ADAMTS12: variants seen among roughly 807,000 people sequenced by gnomAD.
ADAMTS12 encodes the protein ADAM metallopeptidase with thrombospondin type 1 motif 12.
In ADAMTS12, 118 loss-of-function variants were observed where a neutral mutation model predicts 167.8. The ratio of observed to expected loss-of-function variants is 0.70; its 90% CI spans 0.61 to 0.82. ADAMTS12 has a LOEUF of 0.82. Among genes scored for constraint, ADAMTS12 ranks in the 40% least tolerant of loss-of-function variants. The probability of loss-of-function intolerance (pLI) is 0.00; values close to 1 mark genes in which losing one functional copy is unlikely to be tolerated. For missense variants in ADAMTS12, 1,916 were observed against 1,998.8 expected (o/e 0.96, Z 0.79); for synonymous variants, 704 against 716.9 (o/e 0.98, Z 0.29).
At chr5:33,699,756 A>G (rs1273769210) in intron 3 of ADAMTS12, among the ~76,000 whole-genome samples, 1 of 152,202 alleles carries the variant, frequency 6.6e-6, no homozygotes, top group Non-Finnish European at 1.5e-5. Flanking sequence ...GAAAAAGCCC[A>G]TTTGAGGAGA....
chr5:33,580,014 C>T (rs79082973), intron 18 of ADAMTS12, among the ~76,000 whole-genome samples: 9,587 of 152,252 alleles, frequency 0.063, 317 homozygotes, highest in African/African-American at 0.074. Flanking sequence ...TCCACACACC[C>T]CCTACTGGTT....
At chr5:33,755,088 C>T (rs1176272737) in intron 2 of ADAMTS12, among the ~76,000 whole-genome samples, 2 of 152,150 alleles carry the variant, frequency 1.3e-5, no homozygotes, top group Non-Finnish European at 2.9e-5. Flanking sequence ...TCAATAACAT[C>T]CCCCAAGGGT....
chr5:33,616,126 G>A lies in ADAMTS12; in HGVS notation c.2144-54C>T, dbSNP rs547789184. ...AGGCACGCCAGCTTCTCAGCTGAAT[G>A]CAATCTGTTTGTGACCCACTGTTAA... is the stretch of plus-strand genomic sequence containing the variant. On this transcript the variant is annotated intron_variant, in intron 14 of 23. Transcript: ENST00000504830. The A allele has an allele frequency of 9.0e-5, 143 of 1,596,840 alleles. 2 individuals are homozygous for A. In the African/African-American group the frequency reaches 1.5e-3, roughly 17 times the overall value.
chr5:33,711,105 C>T (rs150270907), intron 3 of ADAMTS12, among the ~76,000 whole-genome samples: 184 of 152,174 alleles, frequency 1.2e-3, no homozygotes, highest in African/African-American at 4.4e-3. Flanking sequence ...CATGTCCTAC[C>T]CCTGGACCAG....
At chr5:33,865,472 A>G (rs1749783250) in intron 2 of ADAMTS12, among the ~76,000 whole-genome samples, 1 of 152,190 alleles carries the variant, frequency 6.6e-6, no homozygotes, top group Admixed American at 6.5e-5. Flanking sequence ...ATACCTCAAA[A>G]TAATAAAAGC....
chr5:33,752,929 A>C (rs1478983636), intron 2 of ADAMTS12, among the ~76,000 whole-genome samples: 1 of 152,238 alleles, frequency 6.6e-6, no homozygotes, highest in Non-Finnish European at 1.5e-5. Context: ...TGTAGCCAGT[A>C]ATGTAACAAG....
chr5:33,573,884 TCAAA>T (rs1479518094), intron 19 of ADAMTS12, among the ~76,000 whole-genome samples: 9 of 151,966 alleles, frequency 5.9e-5, no homozygotes, highest in African/African-American at 2.2e-4. Flanking sequence ...TACAATGAAC[TCAAA>T]CAAATTTACA....
intron 2 of ADAMTS12, among the ~76,000 whole-genome samples, chr5:33,805,945 G>T (rs1203638408): frequency 6.6e-6 from 1 of 151,488 alleles, no homozygotes; most frequent in African/African-American, 2.4e-5. Context: ...AAAAGACTTT[G>T]TAAAGAACAT....
intron 23 of ADAMTS12, among the ~76,000 whole-genome samples, chr5:33,530,630 C>T (rs1014980393): frequency 2.6e-5 from 4 of 152,192 alleles, no homozygotes; most frequent in South Asian, 4.1e-4. Context: ...GGTGGAGGCT[C>T]AGCTGACAGC....
In ADAMTS12 at chr5:33,655,434, G is replaced by A. The variant is rs1024660592; in HGVS notation, c.1190+2750C>T. ...AACTCTGAAACGTGTGTTGTATATC[G>A]TTCTTGGAGTTTGTCCATGGGATTA... On this transcript the variant is annotated intron_variant, in intron 7 of 23. Coordinates refer to ENST00000504830, the MANE Select transcript of ADAMTS12 (RefSeq NM_030955.4). 3.3e-5 allele frequency among the ~76,000 whole-genome samples: 5 copies of A among 151,956 alleles called. No homozygotes were observed. In the South Asian group the frequency reaches 1.0e-3, roughly 32 times the overall value.
intron 2 of ADAMTS12, among the ~76,000 whole-genome samples, chr5:33,789,854 G>A (rs1254973570): frequency 6.6e-6 from 1 of 152,092 alleles, no homozygotes; most frequent in Non-Finnish European, 1.5e-5. Flanking sequence ...TTTCTAAATG[G>A]ACAGTTCAAG....
intron 7 of ADAMTS12, among the ~76,000 whole-genome samples, chr5:33,654,732 G>A (rs1309281713): frequency 6.6e-6 from 1 of 152,166 alleles, no homozygotes; most frequent in African/African-American, 2.4e-5. Context: ...GACTTTTCTA[G>A]CATAGAGCCA....
chr5:33,739,255 TCACACACACATAAA>T (rs1224482303), intron 3 of ADAMTS12, among the ~76,000 whole-genome samples: 8 of 151,912 alleles, frequency 5.3e-5, no homozygotes, highest in African/African-American at 1.5e-4. Flanking sequence ...ACACACTCCT[TCACACACACATAAA>T]CACACACACA....
intron 19 of ADAMTS12, among the ~76,000 whole-genome samples, chr5:33,575,372 T>G (rs1746639276): frequency 6.6e-6 from 1 of 152,174 alleles, no homozygotes. Flanking sequence ...TCATTGTAGT[T>G]TATAGCTGAA....
intron 5 of ADAMTS12, 108 bp from the exon 6 acceptor site, chr5:33,662,148 G>A: frequency 7.1e-7 from 1 of 1,408,042 alleles, no homozygotes; most frequent in Non-Finnish European, 9.6e-7. Flanking sequence ...AATTCAGGGT[G>A]GGTGCATCAG....
intron 2 of ADAMTS12, among the ~76,000 whole-genome samples, chr5:33,829,398 C>A (rs1748213088): frequency 2.6e-5 from 4 of 152,158 alleles, no homozygotes; most frequent in Admixed American, 2.6e-4. Flanking sequence ...CTTTGAGTTG[C>A]TGTTTTATTA....
chr5:33,631,648 T>C (rs539147476), intron 12 of ADAMTS12, among the ~76,000 whole-genome samples: 1 of 152,172 alleles, frequency 6.6e-6, no homozygotes, highest in African/African-American at 2.4e-5. Context: ...TATGTATGTA[T>C]ACAGAATAAC....
At chr5:33,860,229 A>G (rs112826659) in intron 2 of ADAMTS12, among the ~76,000 whole-genome samples, 17,696 of 152,106 alleles carry the variant, frequency 0.12, 2,040 homozygotes, top group African/African-American at 0.29. Flanking sequence ...CTAAAGGAGC[A>G]TGTTCTAACC....
At chr5:33,857,770 C>T (rs1039543220) in intron 2 of ADAMTS12, among the ~76,000 whole-genome samples, 3 of 152,172 alleles carry the variant, frequency 2.0e-5, no homozygotes, top group Non-Finnish European at 4.4e-5. Context: ...AAACATTATA[C>T]AATGATAACC....
Sources: gnomAD v4.1 joint callset for allele counts (sites outside exome capture counted in the v4.1 genomes callset) on GRCh38, gnomAD v4.1.1 for gene constraint, MANE v1.5 for transcripts, NCBI Gene and HGNC (gene_info 2026-07-23, HGNC 2026-07-21) for gene names.